STX7: variants seen among roughly 807,000 people sequenced by gnomAD.
STX7 encodes the protein syntaxin 7.
In STX7, 34 loss-of-function variants were observed where a neutral mutation model predicts 39.6. The ratio of observed to expected loss-of-function variants is 0.86; its 90% CI spans 0.65 to 1.14. The LOEUF (loss-of-function observed/expected upper bound fraction) is 1.14. Ranked by LOEUF, STX7 falls within the 50% of genes most tolerant of loss-of-function variation. STX7 has a pLI of 0.00. For synonymous variants in STX7, 119 were observed against 99.1 expected, an observed-to-expected ratio of 1.20 and a Z score of -1.19; for missense variants, 284 against 310.4, an observed-to-expected ratio of 0.92 and a Z score of 0.64.
intron 1 of STX7, among the ~76,000 whole-genome samples, chr6:132,508,549 C>A (rs1775764226): frequency 6.6e-6 from 1 of 152,162 alleles, no homozygotes; most frequent in African/African-American, 2.4e-5. Context: ...GAGACAGGAG[C>A]ACCCAGGCTG....
intron 4 of STX7, among the ~76,000 whole-genome samples, 176 bp from the exon 5 acceptor site, chr6:132,471,776 T>G (rs1453233277): frequency 6.6e-6 from 1 of 152,228 alleles, no homozygotes; most frequent in Non-Finnish European, 1.5e-5. Context: ...CATATTTAAC[T>G]TGAGGCAAAA....
chr6:132,476,145 C>G (rs944013011), intron 2 of STX7, among the ~76,000 whole-genome samples: 1 of 152,052 alleles, frequency 6.6e-6, no homozygotes, highest in Non-Finnish European at 1.5e-5. Context: ...GCTAAAATCA[C>G]AGGACATTCA....
intron 3 of STX7, among the ~76,000 whole-genome samples, chr6:132,473,994 G>A (rs1774805760): frequency 1.3e-5 from 2 of 151,416 alleles, no homozygotes; most frequent in Non-Finnish European, 2.9e-5. Context: ...CTCTGGGAGG[G>A]TGAGGTGGGT....
intron 2 of STX7, among the ~76,000 whole-genome samples, chr6:132,493,400 T>A (rs959359869): frequency 6.6e-6 from 1 of 152,076 alleles, no homozygotes; most frequent in Non-Finnish European, 1.5e-5. Context: ...AACTCCCACA[T>A]GTTGTGAGAG....
intron 7 of STX7, among the ~76,000 whole-genome samples, chr6:132,468,925 T>A (rs935956100): frequency 2.0e-5 from 3 of 152,212 alleles, no homozygotes; most frequent in African/African-American, 7.2e-5. Flanking sequence ...AAATTTAAAG[T>A]CTCACATTAA....
chr6:132,453,960 C>T lies in STX7; in HGVS notation c.*6798G>A, dbSNP rs1214314894. On this transcript the variant is annotated 3_prime_UTR_variant, in exon 10 of 10. Coordinates refer to ENST00000367941, the MANE Select transcript of STX7 (RefSeq NM_003569.3). The stretch of plus-strand genomic sequence containing the variant: ...GACCCAGAAAACTAGATTATGTTCA[C>T]ACAAAAACTTGTACACAAATGTTTA... 1 of 152,074 alleles carries T rather than the reference C, an allele frequency of 6.6e-6. No homozygotes were observed. Among genetic ancestry groups the T allele is most frequent in the Non-Finnish European group, 1.5e-5 (1 of 67,984 alleles). The allele number at this position is 152,074 out of a possible 1,614,324, so 9.4% of individuals were successfully genotyped here.
At chr6:132,499,240 T>A (rs1775491716) in intron 2 of STX7, among the ~76,000 whole-genome samples, 1 of 152,248 alleles carries the variant, frequency 6.6e-6, no homozygotes, top group African/African-American at 2.4e-5. Context: ...TCTACTTTCA[T>A]AGCAGAGTCT....
chr6:132,477,230 AAC>A (rs1774897061), intron 2 of STX7, among the ~76,000 whole-genome samples: 2 of 152,078 alleles, frequency 1.3e-5, no homozygotes, highest in Non-Finnish European at 2.9e-5. Context: ...TGCCGTGTTT[AAC>A]TTATGGCTGC....
At chr6:132,482,060 T>C (rs1775026855) in intron 2 of STX7, among the ~76,000 whole-genome samples, 1 of 152,208 alleles carries the variant, frequency 6.6e-6, no homozygotes, top group African/African-American at 2.4e-5. Context: ...TTTATCATAT[T>C]GTTGACCCTC....
chr6:132,499,248 T>A (rs962053746), intron 2 of STX7, among the ~76,000 whole-genome samples: 2 of 152,224 alleles, frequency 1.3e-5, no homozygotes, highest in African/African-American at 4.8e-5. Flanking sequence ...CATAGCAGAG[T>A]CTGCTAGTTG....
At chr6:132,506,471 T>C (rs959878229) in intron 1 of STX7, among the ~76,000 whole-genome samples, 1 of 151,968 alleles carries the variant, frequency 6.6e-6, no homozygotes, top group Non-Finnish European at 1.5e-5. Flanking sequence ...AAAGAAGACA[T>C]ACAAATGGCC....
intron 2 of STX7, among the ~76,000 whole-genome samples, chr6:132,478,616 C>T (rs902801062): frequency 2.0e-4 from 31 of 152,156 alleles, no homozygotes; most frequent in African/African-American, 7.2e-4. Flanking sequence ...CTCTCATTCC[C>T]ATTTAACCGG....
At chr6:132,499,273 A>G (rs2114463213) in intron 2 of STX7, among the ~76,000 whole-genome samples, 1 of 152,326 alleles carries the variant, frequency 6.6e-6, no homozygotes, top group Non-Finnish European at 1.5e-5. Context: ...CTAAATATTG[A>G]TTCTCTCATC....
intron 8 of STX7, among the ~76,000 whole-genome samples, chr6:132,466,459 T>G (rs1774567579): frequency 6.6e-6 from 1 of 152,200 alleles, no homozygotes; most frequent in African/African-American, 2.4e-5. Context: ...TGATCTCTGT[T>G]ACAAGTATTC....
At position 132,450,706 on chromosome 6, in the gene STX7, T is replaced by C. The variant is rs1774119894; in HGVS notation, c.*10052A>G. The C allele has an allele frequency of 1.3e-5, 2 of 151,952 alleles. No homozygotes were observed. Among genetic ancestry groups the C allele is most frequent in the South Asian group, 2.1e-4 (1 of 4,826 alleles). The allele number at this position is 151,952 out of a possible 1,614,324, so 9.4% of individuals were successfully genotyped here. A position where few individuals can be genotyped will look rare whatever the true frequency, so the allele number is the denominator to read the frequency against. On this transcript the variant is annotated 3_prime_UTR_variant, in exon 10 of 10. Transcript: ENST00000367941. ...CAGAAAGAATGAATAAATCTGAAGA[T>C]AAAATGATAGAAATTACACAGTCTG...
chr6:132,499,751 G>A (rs1775508008), intron 2 of STX7, among the ~76,000 whole-genome samples: 1 of 151,894 alleles, frequency 6.6e-6, no homozygotes, highest in Admixed American at 6.6e-5. Context: ...TTACACCTAT[G>A]GTTTTAAATA....
chr6:132,462,664 T>C (rs966334283), intron 9 of STX7, among the ~76,000 whole-genome samples: 3 of 150,384 alleles, frequency 2.0e-5, no homozygotes, highest in African/African-American at 7.4e-5. Context: ...CATGACACAG[T>C]GATATAGTGA....
At position 132,457,696 on chromosome 6, in the gene STX7, A is replaced by G. The variant is rs1774275719; in HGVS notation, c.*3062T>C. The G allele has an allele frequency of 6.6e-6, 1 of 152,170 alleles. No individual in the cohort carries two copies. The highest frequency in any genetic ancestry group is 2.4e-5 in the African/African-American group (1 of 41,452). 9.4% of individuals were successfully genotyped at this position (152,170 alleles called of 1,614,324 possible). A position where few individuals can be genotyped will look rare whatever the true frequency, so the allele number is the denominator to read the frequency against. ...CAACTTTTTTTTTTCCAGGAAAGAC[A>G]GATGTTATTTACCACCAATGAATTT... is the stretch of plus-strand genomic sequence containing the variant. On this transcript the variant is annotated 3_prime_UTR_variant, in exon 10 of 10. Transcript: ENST00000367941.
intron 2 of STX7, among the ~76,000 whole-genome samples, chr6:132,482,749 G>T (rs1775043143): frequency 6.6e-6 from 1 of 152,162 alleles, no homozygotes; most frequent in South Asian, 2.1e-4. Context: ...TCTGGCAGTG[G>T]ATCACAAGGA....
Sources: gnomAD v4.1 joint callset for allele counts (sites outside exome capture counted in the v4.1 genomes callset) on GRCh38, gnomAD v4.1.1 for gene constraint, MANE v1.5 for transcripts, NCBI Gene and HGNC (gene_info 2026-07-23, HGNC 2026-07-21) for gene names.